Variants in RBM20 observed in about 807,000 individuals in gnomAD.
The protein encoded by RBM20 is RNA binding motif protein 20, also known as RNA-binding protein 20.
A neutral mutation model predicts 110.1 loss-of-function variants in RBM20; 51 were observed. That is an observed-to-expected ratio of 0.46 (90% CI 0.37 to 0.59). RBM20 has a LOEUF of 0.59. RBM20 is among the 20% of genes least tolerant of loss of function. The pLI, the probability that RBM20 is intolerant of heterozygous loss-of-function variation, is 0.00. For missense variants in RBM20, 1,512 were observed against 1,574.9 expected, an observed-to-expected ratio of 0.96 and a Z score of 0.68; for synonymous variants, 589 against 618.2, an observed-to-expected ratio of 0.95 and a Z score of 0.70.
In RBM20 at chr10:110,777,270, G is replaced by T. The variant is rs1007102533; in HGVS notation, c.192-3531G>T. Among the ~76,000 whole-genome samples the T allele has an allele frequency of 3.9e-5, 6 of 152,336 alleles. No individual in the cohort carries two copies. In the South Asian group the frequency reaches 1.2e-3, roughly 32 times the overall value. On this transcript the variant is annotated intron_variant, in intron 1 of 13. Coordinates refer to ENST00000369519, the MANE Select transcript of RBM20 (RefSeq NM_001134363.3). ...AGTGATATAAAAGTGACAAACTAAG[G>T]AGTGGGAAGACAGCAGGAGACATCA...
intron 1 of RBM20, among the ~76,000 whole-genome samples, chr10:110,660,596 A>G (rs923698548): frequency 3.3e-5 from 5 of 152,116 alleles, no homozygotes; most frequent in African/African-American, 1.2e-4. Flanking sequence ...AGATTCTCAT[A>G]GGAGGGCAAA....
In RBM20 at chr10:110,814,493, G is replaced by GT. The variant is rs747508003; in HGVS notation, c.2550+1550dup. Among the ~76,000 whole-genome samples the GT allele has an allele frequency of 2.9e-3, 440 of 151,620 alleles. 12 individuals are homozygous for GT. In the South Asian group the frequency reaches 0.053, roughly 18 times the overall value. Reference sequence around the variant, plus strand: ...AGTAGAAAAAAGCAGTTTGGGTTTTGTTTTGTTTTTTTTTTTGAGACAGAG... The same window carrying GT: ...AGTAGAAAAAAGCAGTTTGGGTTTTGTTTTTGTTTTTTTTTTTGAGACAGAG... On this transcript the variant is annotated intron_variant, in intron 9 of 13. Transcript: ENST00000369519.
intron 1 of RBM20, among the ~76,000 whole-genome samples, chr10:110,752,945 A>ATATTT (rs1433992064): frequency 1.5e-3 from 161 of 109,010 alleles, no homozygotes; most frequent in Non-Finnish European, 2.3e-3. Context: ...ATATATATAT[A>ATATTT]TTTTTTTTTT....
intron 1 of RBM20, among the ~76,000 whole-genome samples, chr10:110,729,659 C>T (rs930060772): frequency 5.3e-5 from 8 of 152,142 alleles, no homozygotes; most frequent in African/African-American, 1.4e-4. Flanking sequence ...CCCAGCCGTC[C>T]GTCATCACTG....
chr10:110,681,173 C>T lies in RBM20; in HGVS notation c.191+36528C>T, dbSNP rs541006517. 3.2e-4 allele frequency among the ~76,000 whole-genome samples: 48 copies of T among 152,262 alleles called. 1 individual carries two copies. Among genetic ancestry groups the T allele is most frequent in the Admixed American group, 2.8e-3 (43 of 15,296 alleles). On this transcript the variant is annotated intron_variant, in intron 1 of 13. Coordinates refer to ENST00000369519, the MANE Select transcript of RBM20 (RefSeq NM_001134363.3). Reference sequence around the variant, plus strand: ...ATTTCACTCCCTTGTCAGGGCTGTGCGAGAAGCTGGTGACAGAACTGGCCC... The same window carrying T: ...ATTTCACTCCCTTGTCAGGGCTGTGTGAGAAGCTGGTGACAGAACTGGCCC...
intron 1 of RBM20, among the ~76,000 whole-genome samples, chr10:110,661,907 A>T (rs770758852): frequency 7.9e-5 from 12 of 151,926 alleles, no homozygotes; most frequent in Non-Finnish European, 1.6e-4. Context: ...GCTACTTGGG[A>T]GGCTGAGGCA....
intron 1 of RBM20, among the ~76,000 whole-genome samples, chr10:110,744,060 G>T (rs1465805456): frequency 6.6e-6 from 1 of 152,180 alleles, no homozygotes; most frequent in African/African-American, 2.4e-5. Context: ...ACAGTGACAG[G>T]GTGGTGTCAC....
intron 1 of RBM20, among the ~76,000 whole-genome samples, chr10:110,723,604 G>A (rs546641340): frequency 6.6e-6 from 1 of 152,146 alleles, no homozygotes; most frequent in Admixed American, 6.5e-5. Flanking sequence ...TCATCTTTTT[G>A]ATTTCAGCCA....
intron 12 of RBM20, among the ~76,000 whole-genome samples, chr10:110,827,560 C>T (rs999074610): frequency 1.3e-5 from 2 of 152,188 alleles, no homozygotes; most frequent in Non-Finnish European, 2.9e-5. Flanking sequence ...AATCCCCTGT[C>T]TACTACCTAC....
At chr10:110,775,004 G>A (rs1844242731) in intron 1 of RBM20, among the ~76,000 whole-genome samples, 1 of 152,184 alleles carries the variant, frequency 6.6e-6, no homozygotes. Context: ...TCAGAAGGAA[G>A]GAAAACTATA....
chr10:110,676,092 T>C (rs1862334738), intron 1 of RBM20, among the ~76,000 whole-genome samples: 1 of 152,240 alleles, frequency 6.6e-6, no homozygotes, highest in South Asian at 2.1e-4. Flanking sequence ...AGGAATGGAC[T>C]ATGAATTCCA....
At chr10:110,667,192 A>G (rs555203659) in intron 1 of RBM20, among the ~76,000 whole-genome samples, 5 of 152,310 alleles carry the variant, frequency 3.3e-5, no homozygotes, top group African/African-American at 1.2e-4. Flanking sequence ...TCTGATGTTC[A>G]TTTAGAAAAG....
chr10:110,709,799 G>A (rs1862897633), intron 1 of RBM20, among the ~76,000 whole-genome samples: 1 of 151,772 alleles, frequency 6.6e-6, no homozygotes, highest in Admixed American at 6.6e-5. Flanking sequence ...TCAAACTCCT[G>A]GACTCAAGCA....
chr10:110,776,400 A>G (rs1453580980), intron 1 of RBM20, among the ~76,000 whole-genome samples: 4 of 152,244 alleles, frequency 2.6e-5, no homozygotes, highest in Middle Eastern at 3.2e-3. Context: ...TCTGGAGGCC[A>G]TAAGTCCAAA....
At chr10:110,792,737 G>A (rs547342299) in intron 5 of RBM20, among the ~76,000 whole-genome samples, 39 of 152,320 alleles carry the variant, frequency 2.6e-4, no homozygotes, top group African/African-American at 9.1e-4. Context: ...CACCGTGGCA[G>A]CAGAATTATT....
intron 5 of RBM20, 81 bp from the exon 6 acceptor site, chr10:110,797,427 G>C: frequency 7.5e-7 from 1 of 1,328,118 alleles, no homozygotes; most frequent in Non-Finnish European, 1.0e-6. Flanking sequence ...TTAGGGGAAA[G>C]ATAGCCATTA....
chr10:110,672,582 C>G (rs1465958128), intron 1 of RBM20, among the ~76,000 whole-genome samples: 1 of 152,244 alleles, frequency 6.6e-6, no homozygotes, highest in Non-Finnish European at 1.5e-5. Flanking sequence ...CGCGCTCGCG[C>G]CCCCACGGTT....
At chr10:110,706,700 G>A (rs1172628894) in intron 1 of RBM20, among the ~76,000 whole-genome samples, 2 of 152,160 alleles carry the variant, frequency 1.3e-5, no homozygotes, top group South Asian at 4.1e-4. Flanking sequence ...AACCAATGGC[G>A]ATTCTCCTTG....
chr10:110,813,214 C>T (rs539067466), intron 9 of RBM20, among the ~76,000 whole-genome samples: 2 of 152,266 alleles, frequency 1.3e-5, no homozygotes, highest in African/African-American at 2.4e-5. Context: ...CAAGAACACA[C>T]GGTCAGGAAA....
Sources: gnomAD v4.1 joint callset for allele counts (sites outside exome capture counted in the v4.1 genomes callset) on GRCh38, gnomAD v4.1.1 for gene constraint, MANE v1.5 for transcripts, NCBI Gene and HGNC (gene_info 2026-07-23, HGNC 2026-07-21) for gene names.